RBM47: variants seen among roughly 807,000 people sequenced by gnomAD.
RBM47 encodes RNA binding motif protein 47.
RBM47 carries 21 observed loss-of-function variants against 47.1 expected under a neutral mutation model. The ratio of observed to expected loss-of-function variants is 0.45; its 90% confidence interval spans 0.32 to 0.64. The LOEUF is 0.64. RBM47 is among the 30% of genes least tolerant of loss of function. The pLI is 0.05. For synonymous variants in RBM47, 375 were observed against 361.7 expected, an observed-to-expected ratio of 1.04 and a Z score of -0.42; for missense variants, 708 against 870.9, an observed-to-expected ratio of 0.81 and a Z score of 2.35.
chr4:40,516,939 G>C (rs1725646860), intron 2 of RBM47, among the ~76,000 whole-genome samples: 1 of 152,072 alleles, frequency 6.6e-6, no homozygotes, highest in Non-Finnish European at 1.5e-5. Flanking sequence ...CTTGTCCCTT[G>C]CGTGCCCTTC....
chr4:40,462,125 A>G (rs532902123), intron 3 of RBM47, among the ~76,000 whole-genome samples: 22 of 152,226 alleles, frequency 1.4e-4, no homozygotes, highest in Non-Finnish European at 3.1e-4. Context: ...GCGCCCGTCC[A>G]GTGCAGACAT....
intron 3 of RBM47, among the ~76,000 whole-genome samples, chr4:40,457,608 T>C (rs1462494707): frequency 6.6e-6 from 1 of 152,014 alleles, no homozygotes; most frequent in Non-Finnish European, 1.5e-5. Context: ...TTTTTTTTTG[T>C]ATTTTTAGTA....
At chr4:40,483,496 G>C (rs139934225) in intron 2 of RBM47, among the ~76,000 whole-genome samples, 1 of 152,328 alleles carries the variant, frequency 6.6e-6, no homozygotes, top group East Asian at 1.9e-4. Context: ...GGAGGATTCT[G>C]AGCAGAGAAG....
intron 1 of RBM47, among the ~76,000 whole-genome samples, chr4:40,555,259 G>T (rs760754507): frequency 6.6e-6 from 1 of 152,154 alleles, no homozygotes; most frequent in Non-Finnish European, 1.5e-5. Flanking sequence ...ATAGAGACGG[G>T]ATTTTGCCAT....
intron 2 of RBM47, among the ~76,000 whole-genome samples, chr4:40,473,619 G>A (rs534843739): frequency 1.3e-5 from 2 of 152,280 alleles, no homozygotes; most frequent in East Asian, 1.9e-4. Flanking sequence ...TTTGGGTGAC[G>A]AATAGAGAAT....
chr4:40,463,237 G>T (rs1717437172), intron 3 of RBM47, among the ~76,000 whole-genome samples: 2 of 152,130 alleles, frequency 1.3e-5, no homozygotes, highest in South Asian at 4.1e-4. Flanking sequence ...AAAAAATAAA[G>T]AAGACACACA....
chr4:40,458,001 C>T (rs1397850512), intron 3 of RBM47, among the ~76,000 whole-genome samples: 3 of 152,050 alleles, frequency 2.0e-5, no homozygotes, highest in South Asian at 2.1e-4. Flanking sequence ...TGAAAGTGAA[C>T]GTTCCCAAAC....
chr4:40,531,649 TC>T (rs11345132), intron 2 of RBM47, among the ~76,000 whole-genome samples: 22,097 of 152,162 alleles, frequency 0.15, 1,919 homozygotes, highest in Middle Eastern at 0.27. Flanking sequence ...TGTGTGTTTT[TC>T]CTTTAGGAAA....
chr4:40,494,345 A>G (rs1459742287), intron 2 of RBM47, among the ~76,000 whole-genome samples: 1 of 152,194 alleles, frequency 6.6e-6, no homozygotes, highest in African/African-American at 2.4e-5. Context: ...GCTAATTTCT[A>G]GGACTAGATA....
intron 1 of RBM47, among the ~76,000 whole-genome samples, chr4:40,599,680 A>T (rs1338537723): frequency 1.3e-5 from 2 of 151,650 alleles, no homozygotes; most frequent in African/African-American, 4.9e-5. Context: ...GGTGTCAGGC[A>T]TGTGAGCAAA....
intron 2 of RBM47, among the ~76,000 whole-genome samples, chr4:40,500,318 CA>C (rs1207175637): frequency 1.2e-3 from 180 of 147,364 alleles, no homozygotes; most frequent in East Asian, 3.6e-3. Context: ...CGTCCCCCCC[CA>C]AAAAAAAAAG....
At chr4:40,545,716 AG>A (rs1400695945) in intron 1 of RBM47, among the ~76,000 whole-genome samples, 2 of 150,644 alleles carry the variant, frequency 1.3e-5, no homozygotes, top group Non-Finnish European at 3.0e-5. Context: ...AGAGAAAGAG[AG>A]GGAGAGAAGA....
rs146893135 is a variant in RBM47 at position 40,467,014 on chromosome 4, A to G, written c.-154-315T>C. On this transcript the variant is annotated intron_variant, in intron 2 of 6. Coordinates refer to ENST00000295971, the MANE Select transcript of RBM47 (RefSeq NM_001098634.2). ...GAGTGTGCATGACTTCAAGATGCAC[A>G]TAATGTTTAAGAAGGAATACAGATG... Among the ~76,000 whole-genome samples the G allele has an allele frequency of 2.2e-4, 34 of 152,328 alleles. No individual in the cohort carries two copies. In the East Asian group the frequency reaches 6.0e-3, roughly 27 times the overall value.
chr4:40,576,256 T>TGGG (rs72400279), intron 1 of RBM47, among the ~76,000 whole-genome samples: 2,960 of 117,656 alleles, frequency 0.025, 117 homozygotes, highest in African/African-American at 0.079. Context: ...TTTTTTTTTT[T>TGGG]GGGGGGGGGC....
intron 1 of RBM47, among the ~76,000 whole-genome samples, chr4:40,612,733 T>G (rs112786008): frequency 0.01 from 1,551 of 152,302 alleles, 29 homozygotes; most frequent in African/African-American, 0.035. Flanking sequence ...TTATTAAATT[T>G]GAAGGTATCT....
intron 3 of RBM47, among the ~76,000 whole-genome samples, chr4:40,458,816 T>C (rs1375675478): frequency 6.6e-6 from 1 of 152,126 alleles, no homozygotes; most frequent in African/African-American, 2.4e-5. Context: ...CAAAAAAAGA[T>C]AGCTTAAAAA....
chr4:40,434,002 G>GGGGGGTGTGTGT (rs1213913858), intron 5 of RBM47, among the ~76,000 whole-genome samples: 1 of 45,632 alleles, frequency 2.2e-5, no homozygotes, highest in African/African-American at 5.2e-5. Context: ...GTGGGGCGGG[G>GGGGGGTGTGTGT]GTGTGTGTGT....
chr4:40,550,662 G>A (rs6447191), intron 1 of RBM47, among the ~76,000 whole-genome samples: 22,784 of 151,840 alleles, frequency 0.15, 1,991 homozygotes, highest in African/African-American at 0.23. Context: ...CAAGTGATCC[G>A]CCCACCTCAG....
At chr4:40,460,765 G>A (rs1716991897) in intron 3 of RBM47, among the ~76,000 whole-genome samples, 1 of 151,838 alleles carries the variant, frequency 6.6e-6, no homozygotes, top group Admixed American at 6.6e-5. Context: ...GCAGGCGCCT[G>A]TAGTCCCAGC....
Sources: allele counts gnomAD v4.1 joint callset (sites outside exome capture counted in the v4.1 genomes callset), GRCh38; gene constraint gnomAD v4.1.1; transcripts MANE v1.5; gene names NCBI Gene and HGNC (gene_info 2026-07-23, HGNC 2026-07-21).